Variants in FBXL17 observed in about 807,000 individuals in gnomAD.
The protein encoded by FBXL17 is F-box and leucine rich repeat protein 17.
FBXL17 carries 22 observed loss-of-function variants against 66.2 expected under a neutral mutation model. That is an observed-to-expected ratio of 0.33 (90% confidence interval 0.24 to 0.47). The LOEUF is 0.47. Ranked by LOEUF, FBXL17 falls within the 20% of genes least tolerant of loss-of-function variation. FBXL17 has a pLI of 1.00. For synonymous variants in FBXL17, 474 were observed against 400.5 expected (o/e 1.18, Z -2.19); for missense variants, 878 against 948.2 (o/e 0.93, Z 0.97).
At chr5:107,980,196 T>A (rs949643992) in intron 7 of FBXL17, among the ~76,000 whole-genome samples, 1 of 151,996 alleles carries the variant, frequency 6.6e-6, no homozygotes, top group African/African-American at 2.4e-5. Flanking sequence ...ACAGCTAAAG[T>A]AAAGTGGCAA....
chr5:108,194,633 A>C (rs1431393242), intron 5 of FBXL17, among the ~76,000 whole-genome samples: 1 of 152,088 alleles, frequency 6.6e-6, no homozygotes, highest in Non-Finnish European at 1.5e-5. Flanking sequence ...TCAATCTCTC[A>C]TCACAAACAT....
intron 7 of FBXL17, among the ~76,000 whole-genome samples, chr5:107,884,247 T>C (rs1232833886): frequency 6.6e-6 from 1 of 152,120 alleles, no homozygotes; most frequent in South Asian, 2.1e-4. Context: ...AGAACAACAT[T>C]TAGCTGGGGG....
intron 7 of FBXL17, among the ~76,000 whole-genome samples, chr5:107,882,492 T>C (rs1432853817): frequency 6.6e-6 from 1 of 152,064 alleles, no homozygotes; most frequent in East Asian, 1.9e-4. Context: ...AGAGAGACAA[T>C]TTTTTTAAAA....
chr5:108,277,202 A>G (rs79203571), intron 4 of FBXL17, among the ~76,000 whole-genome samples: 6,643 of 152,254 alleles, frequency 0.044, 778 homozygotes, highest in East Asian at 0.39. Context: ...CTAACCTGAT[A>G]TATTTGATAG....
chr5:107,953,230 G>T (rs62361131), intron 7 of FBXL17, among the ~76,000 whole-genome samples: 1 of 151,684 alleles, frequency 6.6e-6, no homozygotes, highest in South Asian at 2.1e-4. Flanking sequence ...GTGAAACCCC[G>T]TCTCTACTAA....
At chr5:107,912,515 T>C (rs975158094) in intron 7 of FBXL17, among the ~76,000 whole-genome samples, 6 of 152,126 alleles carry the variant, frequency 3.9e-5, no homozygotes, top group Non-Finnish European at 7.4e-5. Context: ...TGTATCAATA[T>C]AGATGAATCT....
intron 7 of FBXL17, among the ~76,000 whole-genome samples, chr5:107,936,506 A>AGT (rs1444785024): frequency 6.6e-6 from 1 of 152,038 alleles, no homozygotes; most frequent in Non-Finnish European, 1.5e-5. Flanking sequence ...CTAGCTAATT[A>AGT]TTCTTCCTCC....
intron 6 of FBXL17, among the ~76,000 whole-genome samples, chr5:108,045,469 A>G (rs1252509082): frequency 1.3e-5 from 2 of 151,984 alleles, no homozygotes; most frequent in African/African-American, 4.8e-5. Context: ...AATAACAATA[A>G]TAATTTCTTT....
intron 1 of FBXL17, among the ~76,000 whole-genome samples, chr5:108,378,946 G>A (rs578030776): frequency 2.0e-5 from 3 of 152,224 alleles, no homozygotes; most frequent in South Asian, 4.1e-4. Flanking sequence ...CTCAGACAGA[G>A]AATCTTTATT....
chr5:108,196,726 C>T (rs544886305), intron 5 of FBXL17, among the ~76,000 whole-genome samples: 4 of 152,256 alleles, frequency 2.6e-5, no homozygotes, highest in South Asian at 2.1e-4. Context: ...TGCAGCTCTG[C>T]GGCTACATGC....
At chr5:108,199,883 G>A (rs1177694401) in intron 5 of FBXL17, among the ~76,000 whole-genome samples, 2 of 152,086 alleles carry the variant, frequency 1.3e-5, no homozygotes, top group Non-Finnish European at 2.9e-5. Flanking sequence ...TGGTGAAGGA[G>A]CAGCTAAGAA....
rs1004186057 is a variant in FBXL17, at chr5:108,100,316, T to G, written c.1746-79315A>C. 9.2e-5 allele frequency among the ~76,000 whole-genome samples: 14 copies of G among 152,128 alleles called. 1 individual carries two copies. Among genetic ancestry groups the G allele is most frequent in the African/African-American group, 2.9e-4 (12 of 41,448 alleles). On this transcript the variant is annotated intron_variant, in intron 6 of 8. Transcript: ENST00000542267. ...TTTTTAACTTTTAATTATAAAAAAT[T>G]TCCAACATCTAAAAAGTAGAGGGAA...
chr5:107,971,288 A>T (rs1432058295), intron 7 of FBXL17, among the ~76,000 whole-genome samples: 43 of 152,118 alleles, frequency 2.8e-4, no homozygotes, highest in Admixed American at 2.8e-3. Context: ...ACACCCCTCC[A>T]CATCTGCTGG....
At chr5:108,105,769 C>T (rs1749772696) in intron 6 of FBXL17, among the ~76,000 whole-genome samples, 1 of 152,086 alleles carries the variant, frequency 6.6e-6, no homozygotes, top group Non-Finnish European at 1.5e-5. Flanking sequence ...CATTAACTAC[C>T]CATTACAAAG....
intron 5 of FBXL17, among the ~76,000 whole-genome samples, chr5:108,191,332 T>C (rs1375419869): frequency 6.6e-6 from 1 of 152,204 alleles, no homozygotes; most frequent in Non-Finnish European, 1.5e-5. Flanking sequence ...CATTGTAATG[T>C]TATCTCTCCA....
intron 3 of FBXL17, 61 bp downstream of exon 3, chr5:108,364,677 G>T (rs189005113): frequency 1.5e-6 from 2 of 1,324,274 alleles, no homozygotes; most frequent in Admixed American, 2.1e-5. Flanking sequence ...TTAAAATGTT[G>T]TTGCTAGAAA....
At chr5:108,240,999 G>A (rs559073954) in intron 4 of FBXL17, among the ~76,000 whole-genome samples, 14 of 152,226 alleles carry the variant, frequency 9.2e-5, no homozygotes, top group African/African-American at 2.9e-4. Context: ...CAAGAGCCAC[G>A]GCATTGCTGG....
At chr5:107,863,058 A>C (rs1246762431) in intron 8 of FBXL17, among the ~76,000 whole-genome samples, 1 of 151,472 alleles carries the variant, frequency 6.6e-6, no homozygotes, top group East Asian at 1.9e-4. Context: ...TTTTATTCCA[A>C]ATTTAACCAA....
At chr5:107,936,923 T>C (rs1287626387) in intron 7 of FBXL17, among the ~76,000 whole-genome samples, 1 of 151,978 alleles carries the variant, frequency 6.6e-6, no homozygotes, top group Non-Finnish European at 1.5e-5. Context: ...TTAAGTATAT[T>C]AAGCAGTCTA....
Sources: gnomAD v4.1 joint callset for allele counts (sites outside exome capture counted in the v4.1 genomes callset) on GRCh38, gnomAD v4.1.1 for gene constraint, MANE v1.5 for transcripts, NCBI Gene and HGNC (gene_info 2026-07-23, HGNC 2026-07-21) for gene names.